NEDD4L: variants seen among roughly 807,000 people sequenced by gnomAD.
NEDD4L encodes the protein NEDD4 like E3 ubiquitin protein ligase.
NEDD4L carries 54 observed loss-of-function variants against 148.9 expected under a neutral mutation model. That is an observed-to-expected ratio of 0.36 (90% confidence interval 0.29 to 0.45). The LOEUF (loss-of-function observed/expected upper bound fraction) is 0.45, where lower values mean the gene tolerates loss of function less well. Ranked by LOEUF, NEDD4L falls within the 20% of genes least tolerant of loss-of-function variation. The pLI, the probability that NEDD4L is intolerant of heterozygous loss-of-function variation, is 1.00. For synonymous variants in NEDD4L, 433 were observed against 440.7 expected, an observed-to-expected ratio of 0.98 and a Z score of 0.22; for missense variants, 856 against 1,233.8, an observed-to-expected ratio of 0.69 and a Z score of 4.59.
intron 9 of NEDD4L, 21 bp from the exon 10 acceptor site, chr18:58,328,974 C>A (rs557631461): frequency 6.2e-7 from 1 of 1,613,834 alleles, no homozygotes; most frequent in Admixed American, 1.7e-5. Flanking sequence ...TCTTCTCTTT[C>A]CCCCTTTCCT....
chr18:58,279,822 T>C (rs970564004), intron 5 of NEDD4L, among the ~76,000 whole-genome samples: 18 of 152,344 alleles, frequency 1.2e-4, no homozygotes, highest in African/African-American at 4.3e-4. Flanking sequence ...ATTTAGTCCA[T>C]TCTGAATGTA....
chr18:58,257,176 A>G (rs546344477), intron 5 of NEDD4L, among the ~76,000 whole-genome samples: 2 of 152,286 alleles, frequency 1.3e-5, no homozygotes, highest in South Asian at 4.1e-4. Flanking sequence ...CTGTGACAAT[A>G]CTTTAAAAAT....
chr18:58,275,933 G>A (rs79930747), intron 5 of NEDD4L, among the ~76,000 whole-genome samples: 3 of 152,176 alleles, frequency 2.0e-5, no homozygotes, highest in Admixed American at 1.3e-4. Context: ...TTCCTAAGCG[G>A]CTCTGCAGGC....
At chr18:58,229,340 A>G (rs2044777335) in intron 2 of NEDD4L, among the ~76,000 whole-genome samples, 1 of 152,084 alleles carries the variant, frequency 6.6e-6, no homozygotes, top group Non-Finnish European at 1.5e-5. Flanking sequence ...TGCTCCCGGG[A>G]CATTAGTTGC....
intron 1 of NEDD4L, among the ~76,000 whole-genome samples, chr18:58,108,596 T>C (rs2085224938): frequency 6.6e-6 from 1 of 152,158 alleles, no homozygotes; most frequent in African/African-American, 2.4e-5. Context: ...AATTTTTGTA[T>C]TTTTAGTAGA....
At chr18:58,316,166 T>G in intron 6 of NEDD4L, 134 bp downstream of exon 6, 1 of 743,690 alleles carries the variant, frequency 1.3e-6, no homozygotes, top group South Asian at 1.8e-5. Flanking sequence ...TGCTGTGGCC[T>G]TAGTCCTTTC....
intron 2 of NEDD4L, among the ~76,000 whole-genome samples, chr18:58,166,147 T>TA (rs2036822149): frequency 6.6e-6 from 1 of 152,206 alleles, no homozygotes; most frequent in Non-Finnish European, 1.5e-5. Context: ...AGTAGAAAAA[T>TA]ACAGTGTGGG....
rs1320943319 is a variant in NEDD4L, at chr18:58,077,581, A to T, written c.48+32873A>T. 2.0e-5 allele frequency among the ~76,000 whole-genome samples: 3 copies of T among 152,144 alleles called. No homozygotes were observed. The East Asian group carries it at 5.8e-4, about 29-fold the overall frequency. ...TTCCAGGGATTTTTTTCAAGATTAA[A>T]TTCCAAGCGCCATGATAGTTTCTGA... On this transcript the variant is annotated intron_variant, in intron 1 of 30. Coordinates refer to ENST00000400345, the MANE Select transcript of NEDD4L (RefSeq NM_001144967.3).
intron 19 of NEDD4L, chr18:58,357,543 C>G: frequency 1.7e-6 from 1 of 575,872 alleles, no homozygotes; most frequent in South Asian, 1.6e-5. Context: ...AGTCAAAATT[C>G]CCTCCCTTCC....
chr18:58,245,528 C>T lies in NEDD4L; in HGVS notation c.204+20C>T. 1 of 1,331,146 alleles carries T rather than the reference C, an allele frequency of 7.5e-7. No homozygotes were observed. Among genetic ancestry groups the T allele is most frequent in the Non-Finnish European group, 1.1e-6 (1 of 941,336 alleles). 82.5% of individuals were successfully genotyped at this position (1,331,146 alleles called of 1,614,324 possible). On this transcript the variant is annotated intron_variant, in intron 3 of 30. Coordinates refer to ENST00000400345, the MANE Select transcript of NEDD4L (RefSeq NM_001144967.3). ...AAAAAGGTAGGTGTCGATCTTTAAC[C>T]AAATGTCATTTAAGTCATAATTTAA... is the stretch of plus-strand genomic sequence containing the variant.
At chr18:58,216,570 G>A (rs932979552) in intron 2 of NEDD4L, among the ~76,000 whole-genome samples, 2 of 152,160 alleles carry the variant, frequency 1.3e-5, no homozygotes, top group South Asian at 2.1e-4. Context: ...GGAGCCCTTA[G>A]GATCTGTTGA....
intron 1 of NEDD4L, among the ~76,000 whole-genome samples, chr18:58,089,322 A>T (rs767270601): frequency 4.0e-5 from 6 of 151,812 alleles, no homozygotes; most frequent in Non-Finnish European, 7.4e-5. Flanking sequence ...TTTAGTAGAG[A>T]TGGGCTTTCA....
chr18:58,165,848 A>G lies in NEDD4L; in HGVS notation c.109A>G (p.Ile37Val). The part of the protein sequence containing the change: ...VSGIDLAKKD[I>V]FGASDPYVKL... ...TGGAATTGATCTCGCCAAAAAGGAC[A>G]TCTTTGGAGCCAGGTATGTTGGCTT... is the stretch of plus-strand genomic sequence containing the variant. The change falls in exon 2 of 31, where the codon ATC becomes GTC. Residue 37 changes from isoleucine (I) to valine (V), a missense_variant. Physicochemically the swap from Ile to Val is conservative, Grantham distance 29. This residue lies in a region of NEDD4L where 193 missense variants were observed against 244.2 expected (regional missense o/e 0.79). Transcript: ENST00000400345. 1 of 1,608,896 alleles carries G rather than the reference A, an allele frequency of 6.2e-7. No individual in the cohort carries two copies. Among genetic ancestry groups the G allele is most frequent in the Non-Finnish European group, 8.5e-7 (1 of 1,177,224 alleles).
At chr18:58,387,796 C>G (rs1437671778) in intron 27 of NEDD4L, 1 of 255,702 alleles carries the variant, frequency 3.9e-6, no homozygotes, top group African/African-American at 2.3e-5. Flanking sequence ...CTGAGCAGAG[C>G]TGGGATCATG....
chr18:58,225,577 G>A (rs1388270021), intron 2 of NEDD4L, among the ~76,000 whole-genome samples: 1 of 152,208 alleles, frequency 6.6e-6, no homozygotes, highest in African/African-American at 2.4e-5. Flanking sequence ...CTCCCAAATG[G>A]CAAATGCACC....
At chr18:58,194,885 T>A (rs1268643428) in intron 2 of NEDD4L, among the ~76,000 whole-genome samples, 1 of 152,130 alleles carries the variant, frequency 6.6e-6, no homozygotes. Context: ...GGACCGGTGG[T>A]CCAAAAGCAG....
At chr18:58,118,723 C>T (rs968574381) in intron 1 of NEDD4L, among the ~76,000 whole-genome samples, 1 of 152,072 alleles carries the variant, frequency 6.6e-6, no homozygotes, top group Non-Finnish European at 1.5e-5. Context: ...ATCACTAGAG[C>T]GAAGAGAAGC....
chr18:58,145,013 C>A (rs1181468650), intron 1 of NEDD4L, among the ~76,000 whole-genome samples: 1 of 152,152 alleles, frequency 6.6e-6, no homozygotes, highest in Non-Finnish European at 1.5e-5. Context: ...ACAAGCTCTG[C>A]AGGAAGCAGG....
At chr18:58,349,703 C>G in intron 17 of NEDD4L, 89 bp downstream of exon 17, 1 of 1,000,430 alleles carries the variant, frequency 1.0e-6, no homozygotes, top group South Asian at 1.4e-5. Flanking sequence ...TGGACCTTCT[C>G]TATCTCCAGG....
Sources: allele counts gnomAD v4.1 joint callset (sites outside exome capture counted in the v4.1 genomes callset), GRCh38; gene constraint gnomAD v4.1.1; regional missense constraint gnomAD v4.1.1; transcripts MANE v1.5; gene names NCBI Gene and HGNC (gene_info 2026-07-23, HGNC 2026-07-21).